The following HIP1 variants were observed in gnomAD, a reference collection of about 807,000 sequenced individuals.
The protein encoded by HIP1 is huntingtin-interacting protein 1.
Under a neutral mutation model 147.6 loss-of-function variants are expected in HIP1, and 65 were observed. The observed-to-expected ratio is 0.44, with a 90% CI of 0.36 to 0.54. HIP1 has a LOEUF of 0.54. Ranked by LOEUF, HIP1 falls within the 20% of genes least tolerant of loss-of-function variation. The pLI is 0.00. For missense variants in HIP1, 1,061 were observed against 1,299.6 expected, an observed-to-expected ratio of 0.82 and a Z score of 2.82; for synonymous variants, 479 against 504.0, an observed-to-expected ratio of 0.95 and a Z score of 0.67.
chr7:75,724,200 GC>G, intron 1 of HIP1, among the ~76,000 whole-genome samples: 1 of 151,996 alleles, frequency 6.6e-6, no homozygotes, highest in Admixed American at 6.6e-5. Context: ...CAGGTGATCC[GC>G]CTTGGCCTCC....
chr7:75,686,843 C>CTTTTT (rs55942242), intron 1 of HIP1, among the ~76,000 whole-genome samples: 42 of 80,138 alleles, frequency 5.2e-4, no homozygotes, highest in African/African-American at 8.4e-4. Context: ...TATTTTAGTT[C>CTTTTT]TTTTTTTTTT....
At chr7:75,546,870 G>A (rs1794584179) in intron 25 of HIP1, 69 bp downstream of exon 25, 1 of 1,082,702 alleles carries the variant, frequency 9.2e-7, no homozygotes, top group Non-Finnish European at 1.4e-6. Flanking sequence ...CAGCATCACA[G>A]AGTCCGTTGG....
intron 1 of HIP1, among the ~76,000 whole-genome samples, chr7:75,681,988 A>G (rs1380894299): frequency 6.9e-6 from 1 of 144,710 alleles, no homozygotes; most frequent in Non-Finnish European, 1.5e-5. Context: ...TTTAAATGGT[A>G]TGAAAGCTAT....
chr7:75,542,716 AAAAAT>A, intron 28 of HIP1, 130 bp downstream of exon 28: 4 of 919,638 alleles, frequency 4.3e-6, no homozygotes, highest in Non-Finnish European at 4.8e-6. Flanking sequence ...GAAATAAAGA[AAAAAT>A]AAAATAAAAA....
chr7:75,622,073 C>CTAGG (rs1797862777), intron 1 of HIP1, among the ~76,000 whole-genome samples: 6 of 151,974 alleles, frequency 3.9e-5, no homozygotes, highest in Admixed American at 1.3e-4. Context: ...CTCTTGAGGC[C>CTAGG]AGTTCGAGAC....
intron 21 of HIP1, among the ~76,000 whole-genome samples, chr7:75,553,899 A>T (rs915383120): frequency 1.3e-5 from 2 of 151,432 alleles, no homozygotes; most frequent in Non-Finnish European, 2.9e-5. Flanking sequence ...GAACCATTGC[A>T]TCTGGCCCAT....
intron 1 of HIP1, among the ~76,000 whole-genome samples, chr7:75,729,174 A>AG (rs1801751498): frequency 6.6e-6 from 1 of 151,228 alleles, no homozygotes; most frequent in Admixed American, 6.6e-5. Context: ...AAAAAAAAAA[A>AG]AAGAAGAAGC....
chr7:75,609,549 G>GTTTTCTTTTT lies in HIP1; in HGVS notation c.121-10312_121-10303dup, dbSNP rs1156898312. ...CTTCAAGCTCATACTCAACGGTACCGTTTTCTTTTTTTTTCTTTTTTTTTT... is the reference window on the plus strand; with the variant it reads ...CTTCAAGCTCATACTCAACGGTACCGTTTTCTTTTTTTTTCTTTTTTTTTCTTTTTTTTTT... On this transcript the variant is annotated intron_variant, in intron 1 of 30. Transcript: ENST00000336926. Among the ~76,000 whole-genome samples, 5 of 151,260 alleles carry GTTTTCTTTTT rather than the reference G, an allele frequency of 3.3e-5. No individual in the cohort carries two copies. The East Asian group carries it at 9.7e-4, about 29-fold the overall frequency.
chr7:75,696,451 A>G (rs1554518754), intron 1 of HIP1, among the ~76,000 whole-genome samples: 2 of 150,952 alleles, frequency 1.3e-5, no homozygotes, highest in East Asian at 3.9e-4. Flanking sequence ...TACTTTAGCT[A>G]AAGCCCTTTC....
At chr7:75,691,006 G>C (rs1554518089) in intron 1 of HIP1, among the ~76,000 whole-genome samples, 1 of 152,206 alleles carries the variant, frequency 6.6e-6, no homozygotes. Flanking sequence ...TAGTTCCAAA[G>C]CAGCAAATGT....
chr7:75,599,350 A>G, intron 1 of HIP1, 103 bp from the exon 2 acceptor site: 2 of 877,686 alleles, frequency 2.3e-6, no homozygotes, highest in Non-Finnish European at 3.7e-6. Context: ...TCCTCCAGCC[A>G]ACCTCCCCCA....
At chr7:75,685,470 C>A (rs1800228272) in intron 1 of HIP1, among the ~76,000 whole-genome samples, 1 of 152,236 alleles carries the variant, frequency 6.6e-6, no homozygotes, top group Non-Finnish European at 1.5e-5. Context: ...GATGTCTTTG[C>A]CCACTTTTCC....
intron 4 of HIP1, 72 bp from the exon 5 acceptor site, chr7:75,586,905 T>A (rs1796311038): frequency 1.1e-6 from 1 of 892,952 alleles, no homozygotes; most frequent in Non-Finnish European, 1.9e-6. Context: ...AGCCAGGAAT[T>A]CTCTGGTAAA....
rs782154994 is a variant in HIP1 at position 75,554,164 on chromosome 7, T to C, written c.2107A>G (p.Ile703Val). 73 of 1,613,888 alleles carry C rather than the reference T, an allele frequency of 4.5e-5. 1 individual carries two copies. The Admixed American group carries it at 8.7e-4, about 19-fold the overall frequency. ...TLLAHLTSDA[I>V]AHGATTCLRA... Reference sequence around the variant, plus strand: ...AGGCAGGTGGTGGCACCATGAGCAATGGCGTCGCTGGTCAAGTGGGCCAGC... The same window carrying C: ...AGGCAGGTGGTGGCACCATGAGCAACGGCGTCGCTGGTCAAGTGGGCCAGC... The change falls in exon 21 of 31, where the codon ATT becomes GTT. Residue 703 changes from isoleucine (I) to valine (V), a missense_variant. Physicochemically the swap from Ile to Val is conservative, Grantham distance 29. Around this residue, in one of 3 missense-constraint regions of HIP1, gnomAD observed 810 missense variants for 946.8 expected, o/e 0.86. Coordinates refer to ENST00000336926, the MANE Select transcript of HIP1 (RefSeq NM_005338.7).
At chr7:75,583,568 A>C (rs782274810) in intron 5 of HIP1, among the ~76,000 whole-genome samples, 2 of 151,716 alleles carry the variant, frequency 1.3e-5, no homozygotes, top group Non-Finnish European at 2.9e-5. Flanking sequence ...GAGGAGGGGG[A>C]AACCAGCTCT....
chr7:75,559,583 C>G, intron 14 of HIP1, 149 bp downstream of exon 14: 1 of 682,430 alleles, frequency 1.5e-6, no homozygotes, highest in Non-Finnish European at 2.4e-6. Flanking sequence ...GCCCTCTGGA[C>G]TGAGGCTAAG....
intron 1 of HIP1, among the ~76,000 whole-genome samples, chr7:75,717,076 C>T (rs1372805177): frequency 6.6e-6 from 1 of 152,172 alleles, no homozygotes; most frequent in Non-Finnish European, 1.5e-5. Flanking sequence ...GCCCCTGCCT[C>T]CCAAAGTGCT....
rs1196674391 is a variant in HIP1 at position 75,533,836 on chromosome 7, G to C, written c.*4336C>G. On this transcript the variant is annotated 3_prime_UTR_variant, in exon 31 of 31. Coordinates refer to ENST00000336926, the MANE Select transcript of HIP1 (RefSeq NM_005338.7). ...GAATTTGGCAGCAAACAGCTGGCTGGTTTGCTGCGCCGATGGCTGGCAGGT... is the reference window on the plus strand; with the variant it reads ...GAATTTGGCAGCAAACAGCTGGCTGCTTTGCTGCGCCGATGGCTGGCAGGT... 1.7e-5 allele frequency: 4 copies of C among 235,350 alleles called. No individual in the cohort carries two copies. Among genetic ancestry groups the C allele is most frequent in the Non-Finnish European group, 3.4e-5 (4 of 119,358 alleles). 14.6% of individuals were successfully genotyped at this position (235,350 alleles called of 1,614,324 possible).
chr7:75,550,638 C>T (rs1043317266), intron 22 of HIP1, among the ~76,000 whole-genome samples: 3 of 152,156 alleles, frequency 2.0e-5, no homozygotes, highest in Non-Finnish European at 4.4e-5. Flanking sequence ...GTATCAAACT[C>T]CTGGCCTCAA....
Sources: gnomAD v4.1 joint callset for allele counts (sites outside exome capture counted in the v4.1 genomes callset) on GRCh38, gnomAD v4.1.1 for gene constraint, gnomAD v4.1.1 regional missense constraint, MANE v1.5 for transcripts, NCBI Gene and HGNC (gene_info 2026-07-23, HGNC 2026-07-21) for gene names.